Variants in CUL1 observed in about 807,000 individuals in gnomAD.
CUL1 encodes cullin 1.
Under a neutral mutation model 118.0 loss-of-function variants are expected in CUL1, and 24 were observed. That is an observed-to-expected ratio of 0.20 (90% confidence interval 0.15 to 0.29). The LOEUF (loss-of-function observed/expected upper bound fraction) is 0.29, where lower values mean the gene tolerates loss of function less well. Among genes scored for constraint, CUL1 ranks in the 10% least tolerant of loss-of-function variants. The pLI is 1.00. For synonymous variants in CUL1, 332 were observed against 340.4 expected, an observed-to-expected ratio of 0.98 and a Z score of 0.27; for missense variants, 361 against 933.8, an observed-to-expected ratio of 0.39 and a Z score of 7.99.
intron 2 of CUL1, among the ~76,000 whole-genome samples, chr7:148,753,451 C>T (rs1367978614): frequency 1.3e-5 from 2 of 150,520 alleles, no homozygotes; most frequent in South Asian, 2.2e-4. Flanking sequence ...TGTGTGGACA[C>T]TGCTGCCGTT....
chr7:148,716,567 T>C (rs1798220741), intron 1 of CUL1, among the ~76,000 whole-genome samples: 1 of 152,188 alleles, frequency 6.6e-6, no homozygotes, highest in Non-Finnish European at 1.5e-5. Flanking sequence ...CACACTGTTT[T>C]CTCCTTCCGC....
intron 2 of CUL1, among the ~76,000 whole-genome samples, chr7:148,731,375 A>C (rs1167036617): frequency 1.3e-5 from 2 of 152,232 alleles, no homozygotes; most frequent in Non-Finnish European, 2.9e-5. Context: ...ATATTCCAGT[A>C]TGTTCTTGCA....
intron 2 of CUL1, among the ~76,000 whole-genome samples, chr7:148,742,514 C>G (rs148698162): frequency 3.8e-3 from 570 of 151,586 alleles, no homozygotes; most frequent in Non-Finnish European, 6.1e-3. Context: ...GTTCAAGGTG[C>G]TATTTGGGTG....
intron 1 of CUL1, among the ~76,000 whole-genome samples, chr7:148,703,314 C>G (rs765531912): frequency 6.6e-6 from 1 of 152,214 alleles, no homozygotes; most frequent in Admixed American, 6.5e-5. Context: ...ACGAACAGTT[C>G]TGGAACTTTG....
At chr7:148,789,943 C>T in intron 15 of CUL1, 117 bp downstream of exon 15, 13 of 940,328 alleles carry the variant, frequency 1.4e-5, no homozygotes, top group East Asian at 9.6e-5. Flanking sequence ...GGCTGCATCA[C>T]GGTGAACCAT....
chr7:148,792,518 T>G (rs1242390952), intron 16 of CUL1, among the ~76,000 whole-genome samples: 1 of 152,256 alleles, frequency 6.6e-6, no homozygotes, highest in Non-Finnish European at 1.5e-5. Flanking sequence ...TTTGTAAACA[T>G]GGAAAATGAA....
At chr7:148,718,645 TTG>T (rs977920418) in intron 1 of CUL1, among the ~76,000 whole-genome samples, 2 of 152,200 alleles carry the variant, frequency 1.3e-5, no homozygotes, top group Non-Finnish European at 2.9e-5. Flanking sequence ...TGGTGGACAT[TTG>T]TGTTATTCCA....
chr7:148,752,846 G>T (rs966581264), intron 2 of CUL1, among the ~76,000 whole-genome samples: 1 of 152,104 alleles, frequency 6.6e-6, no homozygotes, highest in Non-Finnish European at 1.5e-5. Flanking sequence ...TAGAGATGGG[G>T]TTTCACCGTG....
In CUL1 at chr7:148,793,065, C is replaced by T. The variant is rs1038760778; in HGVS notation, c.1899+247C>T. Among the ~76,000 whole-genome samples, 8 of 152,068 alleles carry T rather than the reference C, an allele frequency of 5.3e-5. No homozygotes were observed. In the South Asian group the frequency reaches 6.2e-4, roughly 12 times the overall value. On this transcript the variant is annotated intron_variant, in intron 17 of 21. Coordinates refer to ENST00000325222, the MANE Select transcript of CUL1 (RefSeq NM_003592.3). ...GTCCCAGCTTCTTGGGAGGCTGGGG[C>T]GGGAGGATCACTTGAGCCTGGGAGG...
intron 9 of CUL1, among the ~76,000 whole-genome samples, chr7:148,779,992 G>A (rs1421834733): frequency 6.6e-6 from 1 of 152,184 alleles, no homozygotes; most frequent in Non-Finnish European, 1.5e-5. Flanking sequence ...TCCTGCCCTC[G>A]AACGTCAGAC....
intron 1 of CUL1, among the ~76,000 whole-genome samples, chr7:148,726,116 A>G (rs1798574540): frequency 6.6e-6 from 1 of 152,228 alleles, no homozygotes; most frequent in Non-Finnish European, 1.5e-5. Context: ...GAAAAGTTGT[A>G]TTTGATCTCA....
chr7:148,725,219 G>GCGCGCGCGCACACACA lies in CUL1; in HGVS notation c.-161-4742_-161-4741insGCGCGCGCACACACAC. On this transcript the variant is annotated intron_variant, in intron 1 of 21. Transcript: ENST00000325222. ...CGTGTACACACACACACACGCGCGCGCTCACACACACACACACACACACAC... is the reference window on the plus strand; with the variant it reads ...CGTGTACACACACACACACGCGCGCGCGCGCGCGCACACACACTCACACACACACACACACACACAC... Among the ~76,000 whole-genome samples, 940 of 140,120 alleles carry GCGCGCGCGCACACACA rather than the reference G, an allele frequency of 6.7e-3. 6 individuals are homozygous for GCGCGCGCGCACACACA. Among genetic ancestry groups the GCGCGCGCGCACACACA allele is most frequent in the Middle Eastern group, 0.018 (5 of 272 alleles). The allele number at this position is 140,120 out of a possible 152,430, so 91.9% of individuals were successfully genotyped here. A position where few individuals can be genotyped will look rare whatever the true frequency, so the allele number is the denominator to read the frequency against.
Position 148,797,931 on chromosome 7 carries a change from TTA to T in CUL1, c.1948-5_1948-4del. 1 of 1,612,736 alleles carries T rather than the reference TTA, an allele frequency of 6.2e-7. No individual in the cohort carries two copies. The highest frequency in any genetic ancestry group is 8.5e-7 in the Non-Finnish European group (1 of 1,178,914). On this transcript the variant is annotated splice_region_variant and splice_polypyrimidine_tract_variant and intron_variant, in intron 18 of 21. Coordinates refer to ENST00000325222, the MANE Select transcript of CUL1 (RefSeq NM_003592.3). ...AGATTGTAGAGTAACAATTGTTTTC[TTA>T]CAGGTCTTGGAAGATGAAAATGCAA... is the stretch of plus-strand genomic sequence containing the variant.
At position 148,725,233 on chromosome 7, in the gene CUL1, A is replaced by G. The variant is rs1328197524; in HGVS notation, c.-161-4729A>G. Reference sequence around the variant, plus strand: ...CACACGCGCGCGCTCACACACACACACACACACACACACACCCGTACCCCT... The same window carrying G: ...CACACGCGCGCGCTCACACACACACGCACACACACACACACCCGTACCCCT... On this transcript the variant is annotated intron_variant, in intron 1 of 21. Coordinates refer to ENST00000325222, the MANE Select transcript of CUL1 (RefSeq NM_003592.3). Among the ~76,000 whole-genome samples, 148 of 151,900 alleles carry G rather than the reference A, an allele frequency of 9.7e-4. 1 individual carries two copies. Among genetic ancestry groups the G allele is most frequent in the Admixed American group, 1.7e-3 (26 of 15,260 alleles).
At chr7:148,766,477 G>T (rs1800011571) in intron 7 of CUL1, 84 bp from the exon 8 acceptor site, 2 of 1,188,336 alleles carry the variant, frequency 1.7e-6, no homozygotes, top group South Asian at 1.8e-5. Context: ...CCATTTTTCA[G>T]TTTCCTTTAA....
At chr7:148,783,722 C>T (rs973460586) in intron 9 of CUL1, 61 bp from the exon 10 acceptor site, 1 of 1,584,340 alleles carries the variant, frequency 6.3e-7, no homozygotes, top group South Asian at 1.1e-5. Context: ...CATTGTATAC[C>T]TTAATACACA....
At chr7:148,722,755 C>T (rs1798436123) in intron 1 of CUL1, among the ~76,000 whole-genome samples, 1 of 152,238 alleles carries the variant, frequency 6.6e-6, no homozygotes, top group Non-Finnish European at 1.5e-5. Flanking sequence ...GCCTTGTTTC[C>T]TTGAGCTGTG....
At chr7:148,770,237 A>G (rs1410161866) in intron 9 of CUL1, among the ~76,000 whole-genome samples, 1 of 152,248 alleles carries the variant, frequency 6.6e-6, no homozygotes, top group Non-Finnish European at 1.5e-5. Context: ...TTTTACGAGA[A>G]ATCAAGCTTT....
chr7:148,704,546 C>G (rs907129575), intron 1 of CUL1, among the ~76,000 whole-genome samples: 1 of 152,162 alleles, frequency 6.6e-6, no homozygotes, highest in African/African-American at 2.4e-5. Context: ...CTAATACCCT[C>G]TTAAGCATTT....
Sources: gnomAD v4.1 joint callset for allele counts (sites outside exome capture counted in the v4.1 genomes callset) on GRCh38, gnomAD v4.1.1 for gene constraint, MANE v1.5 for transcripts, NCBI Gene and HGNC (gene_info 2026-07-23, HGNC 2026-07-21) for gene names.